Variants in BBOX1 observed in about 807,000 individuals in gnomAD.
BBOX1 encodes gamma-butyrobetaine dioxygenase.
In BBOX1, 35 loss-of-function variants were observed where a neutral mutation model predicts 41.6. That is an observed-to-expected ratio of 0.84 (90% CI 0.64 to 1.11). The LOEUF (loss-of-function observed/expected upper bound fraction) is 1.11. BBOX1 is among the 50% of genes most tolerant of loss of function. The probability of loss-of-function intolerance (pLI) is 0.00; values close to 1 mark genes in which losing one functional copy is unlikely to be tolerated. For missense variants in BBOX1, 458 were observed against 460.6 expected (o/e 0.99, Z 0.05); for synonymous variants, 163 against 154.7 (o/e 1.05, Z -0.40).
At chr11:27,092,280 T>C (rs1195536265) in intron 4 of BBOX1, among the ~76,000 whole-genome samples, 5 of 151,966 alleles carry the variant, frequency 3.3e-5, no homozygotes, top group Non-Finnish European at 7.4e-5. Flanking sequence ...CAAGTTCTCA[T>C]TCTGTCACTT....
chr11:27,067,757 T>C (rs113914182), intron 4 of BBOX1, among the ~76,000 whole-genome samples: 1 of 151,840 alleles, frequency 6.6e-6, no homozygotes, highest in South Asian at 2.1e-4. Flanking sequence ...CGAGACTCCA[T>C]CTCAAAAATA....
intron 4 of BBOX1, among the ~76,000 whole-genome samples, chr11:27,091,493 T>A (rs1168689629): frequency 6.6e-6 from 1 of 151,960 alleles, no homozygotes; most frequent in Non-Finnish European, 1.5e-5. Context: ...GAAACCTTCA[T>A]GCCTCATTGT....
At chr11:27,092,708 T>C (rs1858290922) in intron 4 of BBOX1, among the ~76,000 whole-genome samples, 1 of 151,918 alleles carries the variant, frequency 6.6e-6, no homozygotes, top group South Asian at 2.1e-4. Flanking sequence ...GTACCTACCA[T>C]ATCAAAGCTC....
chr11:27,122,715 A>T (rs1859510590), intron 7 of BBOX1, among the ~76,000 whole-genome samples: 1 of 152,186 alleles, frequency 6.6e-6, no homozygotes, highest in South Asian at 2.1e-4. Context: ...TATCAATGAG[A>T]CATAATGCTG....
At chr11:27,052,182 T>C (rs1246908489) in intron 2 of BBOX1, among the ~76,000 whole-genome samples, 2 of 152,094 alleles carry the variant, frequency 1.3e-5, no homozygotes, top group African/African-American at 4.8e-5. Context: ...TTTCATACAA[T>C]TGCAAAGAGA....
At chr11:27,097,343 ACATT>A (rs535776205) in intron 5 of BBOX1, among the ~76,000 whole-genome samples, 20 of 152,056 alleles carry the variant, frequency 1.3e-4, no homozygotes, top group Non-Finnish European at 2.9e-4. Context: ...ATTGTAAACT[ACATT>A]CTATCATACA....
rs756715393 is a variant in BBOX1, at chr11:27,115,527, T to G, written c.609T>G (p.Thr203=). The G allele has an allele frequency of 3.7e-6, 6 of 1,610,850 alleles. No individual in the cohort carries two copies. Among genetic ancestry groups the G allele is most frequent in the Non-Finnish European group, 5.1e-6 (6 of 1,178,090 alleles). ...AYTTGKLSFH[T]DYPALHHPPG... ...CAACTGGGAAGCTAAGCTTTCACAC[T>G]GATTATCCAGCCCTCCATCATCCAC... Residue 203 remains threonine, a synonymous_variant, in exon 6 of 9, where the codon ACT becomes ACG. Coordinates refer to ENST00000263182, the MANE Select transcript of BBOX1 (RefSeq NM_003986.3).
chr11:27,063,487 T>G (rs1469566055), intron 4 of BBOX1, among the ~76,000 whole-genome samples: 1 of 152,116 alleles, frequency 6.6e-6, no homozygotes, highest in Non-Finnish European at 1.5e-5. Context: ...TGCTTGATTA[T>G]CTCTCTGAAT....
At chr11:27,058,212 C>T (rs2133966851) in intron 4 of BBOX1, among the ~76,000 whole-genome samples, 1 of 152,292 alleles carries the variant, frequency 6.6e-6, no homozygotes, top group East Asian at 1.9e-4. Context: ...TGTGACCTGC[C>T]TGCTCTCCCT....
rs772292745 is a variant in BBOX1, at chr11:27,115,557, G to T, written c.639G>T (p.Gly213=). Residue 213 remains glycine (G), a splice_region_variant and synonymous_variant, in exon 6 of 9, where the codon GGG becomes GGT. Coordinates refer to ENST00000263182, the MANE Select transcript of BBOX1 (RefSeq NM_003986.3). The part of the protein sequence containing the change: ...TDYPALHHPP[G]VQLLHCIKQT... Reference sequence around the variant, plus strand: ...ATCCAGCCCTCCATCATCCACCTGGGGTAAGTGAGCTTCAACATATTTTCC... The same window carrying T: ...ATCCAGCCCTCCATCATCCACCTGGTGTAAGTGAGCTTCAACATATTTTCC... The T allele has an allele frequency of 6.2e-7, 1 of 1,605,544 alleles. No homozygotes were observed. Among genetic ancestry groups the T allele is most frequent in the Non-Finnish European group, 8.5e-7 (1 of 1,174,770 alleles).
intron 5 of BBOX1, among the ~76,000 whole-genome samples, chr11:27,105,377 C>T (rs990717259): frequency 1.3e-5 from 2 of 152,060 alleles, no homozygotes; most frequent in African/African-American, 4.8e-5. Context: ...ACTAGAATAA[C>T]CACTGTAGGG....
intron 5 of BBOX1, among the ~76,000 whole-genome samples, chr11:27,107,677 C>T (rs1200692289): frequency 1.3e-5 from 2 of 152,006 alleles, no homozygotes; most frequent in Non-Finnish European, 2.9e-5. Flanking sequence ...AAGGCCTCAC[C>T]ACTAGGCTTT....
intron 5 of BBOX1, among the ~76,000 whole-genome samples, chr11:27,096,181 T>A (rs1858432530): frequency 6.6e-6 from 1 of 151,948 alleles, no homozygotes; most frequent in Non-Finnish European, 1.5e-5. Context: ...CTCACAATGA[T>A]GTGCACAAAA....
intron 4 of BBOX1, among the ~76,000 whole-genome samples, chr11:27,083,269 C>T (rs928125157): frequency 1.3e-4 from 20 of 152,124 alleles, no homozygotes; most frequent in African/African-American, 4.8e-4. Flanking sequence ...TGTTGGGCTA[C>T]ACAAGTTGGG....
At chr11:27,066,599 A>G (rs1857288610) in intron 4 of BBOX1, 1 of 148,894 alleles carries the variant, frequency 6.7e-6, no homozygotes, top group Non-Finnish European at 1.5e-5. Flanking sequence ...CTTCTTTTAG[A>G]TTTTAGAACC....
At position 27,125,656 on chromosome 11, in the gene BBOX1, T is replaced by C; in HGVS notation, c.839T>C (p.Leu280Ser). Residue 280 changes from leucine to serine, a missense_variant and splice_region_variant, in exon 8 of 9, where the codon TTA becomes TCA. Physicochemically the swap from Leu to Ser is moderately radical, Grantham distance 145. Coordinates refer to ENST00000263182, the MANE Select transcript of BBOX1 (RefSeq NM_003986.3). The stretch of plus-strand genomic sequence containing the variant: ...AATTTTTTCTCTTAATAAAACAGGT[T>C]AGATGATAAAGGCCAAGTGGTTCGC... ...SVQSKHKIIE[L>S]DDKGQVVRIN... is the part of the protein sequence containing the mutation. 6.5e-7 allele frequency: 1 copy of C among 1,544,940 alleles called. No homozygotes were observed. The highest frequency in any genetic ancestry group is 8.7e-7 in the Non-Finnish European group (1 of 1,144,940).
chr11:27,070,069 T>C (rs1857397101), intron 4 of BBOX1, among the ~76,000 whole-genome samples: 1 of 152,160 alleles, frequency 6.6e-6, no homozygotes, highest in Non-Finnish European at 1.5e-5. Context: ...GGGTTTGTAT[T>C]GTTTTCAGGG....
chr11:27,057,143 A>G (rs1156584811), intron 3 of BBOX1, 58 bp from the exon 4 acceptor site: 1 of 1,123,574 alleles, frequency 8.9e-7, no homozygotes, highest in Non-Finnish European at 1.3e-6. Flanking sequence ...AAAACAGAGC[A>G]ATAGTGGAGA....
intron 5 of BBOX1, among the ~76,000 whole-genome samples, chr11:27,105,456 C>G (rs749119523): frequency 9.9e-5 from 15 of 152,056 alleles, no homozygotes; most frequent in Non-Finnish European, 1.9e-4. Flanking sequence ...GCACAAGCTT[C>G]AGTTGCAAAT....
Sources: allele counts gnomAD v4.1 joint callset (sites outside exome capture counted in the v4.1 genomes callset), GRCh38; gene constraint gnomAD v4.1.1; transcripts MANE v1.5; gene names NCBI Gene and HGNC (gene_info 2026-07-23, HGNC 2026-07-21).